Variants in ZNF423 observed in about 807,000 individuals in gnomAD.
ZNF423 encodes the protein Ebf-associated zinc finger protein.
In ZNF423, 12 loss-of-function variants were observed where a neutral mutation model predicts 95.8. The ratio of observed to expected loss-of-function variants is 0.13; its 90% confidence interval spans 0.08 to 0.20. The LOEUF is 0.20. ZNF423 is among the 10% of genes least tolerant of loss of function. ZNF423 has a pLI of 1.00. For synonymous variants in ZNF423, 749 were observed against 711.9 expected (o/e 1.05, Z -0.83); for missense variants, 1,316 against 1,737.1 (o/e 0.76, Z 4.31).
Position 49,831,015 on chromosome 16 carries a change from C to A in ZNF423, c.40+24720G>T, listed in dbSNP as rs193100204. On this transcript the variant is annotated intron_variant, in intron 1 of 7. Transcript: ENST00000563137. Reference sequence around the variant, plus strand: ...TCTTTCCAGAAGACCCTGCAGGTTTCTCTGCACCGCTCCCTGCCAAGAGGA... The same window carrying A: ...TCTTTCCAGAAGACCCTGCAGGTTTATCTGCACCGCTCCCTGCCAAGAGGA... Among the ~76,000 whole-genome samples the A allele has an allele frequency of 3.9e-5, 6 of 152,302 alleles. No individual in the cohort carries two copies. The East Asian group carries it at 1.2e-3, about 30-fold the overall frequency.
chr16:49,497,644 G>A (rs1324123697), intron 7 of ZNF423, among the ~76,000 whole-genome samples: 3 of 152,120 alleles, frequency 2.0e-5, no homozygotes, highest in Non-Finnish European at 4.4e-5. Context: ...TCTCCCCACT[G>A]CCCACCACTG....
intron 5 of ZNF423, among the ~76,000 whole-genome samples, chr16:49,542,323 T>A (rs1423855918): frequency 6.6e-6 from 1 of 152,206 alleles, no homozygotes; most frequent in African/African-American, 2.4e-5. Flanking sequence ...AAGCCCGGGC[T>A]CTGCCACTGA....
intron 2 of ZNF423, among the ~76,000 whole-genome samples, chr16:49,777,945 C>T (rs1028774443): frequency 6.6e-6 from 1 of 152,162 alleles, no homozygotes; most frequent in Non-Finnish European, 1.5e-5. Flanking sequence ...CTGTCCCTGC[C>T]TCCACAAGCT....
intron 2 of ZNF423, among the ~76,000 whole-genome samples, chr16:49,755,079 G>A (rs1285865631): frequency 6.6e-6 from 1 of 152,188 alleles, no homozygotes; most frequent in African/African-American, 2.4e-5. Context: ...GGGGAGGGAG[G>A]TGTGAAAAGC....
At chr16:49,686,905 C>T (rs1433421818) in intron 3 of ZNF423, among the ~76,000 whole-genome samples, 1 of 152,038 alleles carries the variant, frequency 6.6e-6, no homozygotes, top group East Asian at 1.9e-4. Context: ...GCACCAGCCT[C>T]GCATCCCCAT....
chr16:49,611,610 A>G (rs992967575), intron 5 of ZNF423, among the ~76,000 whole-genome samples: 1 of 152,036 alleles, frequency 6.6e-6, no homozygotes, highest in Non-Finnish European at 1.5e-5. Flanking sequence ...ATAAACATAG[A>G]ACAAGCAGAA....
At chr16:49,842,402 AAGGAAGGAAGGCAGGCAGGC>A (rs1469483153) in intron 1 of ZNF423, among the ~76,000 whole-genome samples, 6 of 127,328 alleles carry the variant, frequency 4.7e-5, no homozygotes, top group African/African-American at 1.8e-4. Context: ...GGAAGGAAGG[AAGGAAGGAAGGCAGGCAGGC>A]AGGCAGGCAG....
intron 2 of ZNF423, among the ~76,000 whole-genome samples, chr16:49,752,634 G>T (rs182161707): frequency 4.6e-5 from 7 of 152,352 alleles, no homozygotes; most frequent in African/African-American, 1.7e-4. Flanking sequence ...GGGCTGATCA[G>T]GAGGAGAAAA....
At chr16:49,592,861 G>A (rs55942317) in intron 5 of ZNF423, among the ~76,000 whole-genome samples, 11,981 of 152,202 alleles carry the variant, frequency 0.079, 636 homozygotes, top group East Asian at 0.14. Flanking sequence ...TTCACTCTGC[G>A]ATGCCCAGAT....
At chr16:49,518,585 CAAAAA>C in intron 7 of ZNF423, 1 of 375,158 alleles carries the variant, frequency 2.7e-6, no homozygotes, top group Admixed American at 3.8e-5. Context: ...TGTTCCATTG[CAAAAA>C]AAAAAAAAAG....
intron 3 of ZNF423, among the ~76,000 whole-genome samples, chr16:49,705,745 G>A (rs987674053): frequency 2.0e-5 from 3 of 151,928 alleles, no homozygotes; most frequent in Non-Finnish European, 4.4e-5. Flanking sequence ...ATGGGGTTTC[G>A]CCATGTTGGC....
chr16:49,820,632 C>G (rs2034926920), intron 1 of ZNF423, among the ~76,000 whole-genome samples: 2 of 152,302 alleles, frequency 1.3e-5, no homozygotes, highest in African/African-American at 2.4e-5. Context: ...AACTCTCCCC[C>G]TCCCCCTTGC....
intron 2 of ZNF423, among the ~76,000 whole-genome samples, chr16:49,778,316 GAC>G (rs2034154102): frequency 1.3e-5 from 2 of 152,228 alleles, no homozygotes; most frequent in Admixed American, 6.5e-5. Context: ...GGGCACCATT[GAC>G]CATATCCAAC....
intron 5 of ZNF423, among the ~76,000 whole-genome samples, chr16:49,609,486 GA>G (rs956418387): frequency 1.3e-5 from 2 of 149,882 alleles, no homozygotes; most frequent in African/African-American, 2.4e-5. Context: ...GAAACAAGTG[GA>G]AAAAAAAAGA....
At chr16:49,836,219 A>G (rs1395757529) in intron 1 of ZNF423, among the ~76,000 whole-genome samples, 2 of 152,180 alleles carry the variant, frequency 1.3e-5, no homozygotes, top group African/African-American at 4.8e-5. Flanking sequence ...CTGGGTGTGC[A>G]GTTCCCAAAA....
chr16:49,679,480 G>C (rs769793427), intron 3 of ZNF423, among the ~76,000 whole-genome samples: 2 of 152,234 alleles, frequency 1.3e-5, no homozygotes, highest in Non-Finnish European at 2.9e-5. Context: ...TGATTTTGGA[G>C]CAAAGTTGAG....
intron 5 of ZNF423, among the ~76,000 whole-genome samples, chr16:49,589,604 G>C (rs904514219): frequency 6.6e-6 from 1 of 152,122 alleles, no homozygotes; most frequent in Non-Finnish European, 1.5e-5. Context: ...CAGCGAGAGG[G>C]AGAAGGGGAG....
intron 2 of ZNF423, among the ~76,000 whole-genome samples, chr16:49,763,033 A>T (rs1333721870): frequency 1.3e-5 from 2 of 151,440 alleles, no homozygotes; most frequent in Non-Finnish European, 2.9e-5. Context: ...ATGCCTGGCT[A>T]ATTTCTGTAT....
intron 7 of ZNF423, chr16:49,517,780 C>T (rs75655213): frequency 0.031 from 10,973 of 349,116 alleles, 229 homozygotes; most frequent in Non-Finnish European, 0.043. Flanking sequence ...GCTACTTTAA[C>T]TCTGTGACTC....
Sources: allele counts gnomAD v4.1 joint callset (sites outside exome capture counted in the v4.1 genomes callset), GRCh38; gene constraint gnomAD v4.1.1; transcripts MANE v1.5; gene names NCBI Gene and HGNC (gene_info 2026-07-23, HGNC 2026-07-21).